The following MYO7A variants were observed in gnomAD, a reference collection of about 807,000 sequenced individuals.
MYO7A encodes the protein myosin VIIA, also known as unconventional myosin-VIIa.
MYO7A carries 210 observed loss-of-function variants against 263.8 expected under a neutral mutation model. The observed-to-expected ratio is 0.80, with a 90% CI of 0.71 to 0.89. The LOEUF (loss-of-function observed/expected upper bound fraction) is 0.89. MYO7A is among the 40% of genes least tolerant of loss of function. The pLI is 0.00. For missense variants in MYO7A, 2,820 were observed against 2,968.3 expected, an observed-to-expected ratio of 0.95 and a Z score of 1.16; for synonymous variants, 1,239 against 1,197.3, an observed-to-expected ratio of 1.03 and a Z score of -0.72.
chr11:77,184,731 CGGGGACACCAGGGCCTGA>C lies in MYO7A; in HGVS notation c.3503+17_3503+34del. On this transcript the variant is annotated intron_variant, in intron 27 of 48. Coordinates refer to ENST00000409709, the MANE Select transcript of MYO7A (RefSeq NM_000260.4). ...CAGCACTCCGGTCAGTGCCGGGAGGCGGGGACACCAGGGCCTGAAAGTCTTTTGGTGGCTGAGTGGTGC... is the reference window on the plus strand; with the variant it reads ...CAGCACTCCGGTCAGTGCCGGGAGGCAAGTCTTTTGGTGGCTGAGTGGTGC... 2.1e-6 allele frequency: 1 copy of C among 476,298 alleles called. No individual in the cohort carries two copies. Among genetic ancestry groups the C allele is most frequent in the Non-Finnish European group, 3.1e-6 (1 of 320,772 alleles). 29.5% of individuals were successfully genotyped at this position (476,298 alleles called of 1,614,324 possible).
intron 11 of MYO7A, 42 bp from the exon 12 acceptor site, chr11:77,160,931 G>A (rs557033719): frequency 2.5e-6 from 4 of 1,579,400 alleles, no homozygotes; most frequent in South Asian, 2.3e-5. Flanking sequence ...GTCCCCCGGG[G>A]GAGGGTGTGG....
Position 77,182,407 on chromosome 11 carries a change from T to C in MYO7A, c.3109-17T>C, listed in dbSNP as rs575050020. ...ATGTCCTCCGCTCTGGCCTCTGACA[T>C]GCGCGCTCTGCCCCAGGCAGCCCTG... On this transcript the variant is annotated splice_polypyrimidine_tract_variant and intron_variant, in intron 24 of 48. Transcript: ENST00000409709. 6.2e-7 allele frequency: 1 copy of C among 1,606,510 alleles called. No individual in the cohort carries two copies. Among genetic ancestry groups the C allele is most frequent in the East Asian group, 2.2e-5 (1 of 44,738 alleles).
intron 3 of MYO7A, among the ~76,000 whole-genome samples, chr11:77,145,291 T>C (rs1218983841): frequency 2.0e-5 from 3 of 152,194 alleles, no homozygotes; most frequent in Non-Finnish European, 2.9e-5. Context: ...TCAACAAAGA[T>C]GGATGTCGTG....
chr11:77,214,765 C>A lies in MYO7A; in HGVS notation c.*69C>A. 7.7e-7 allele frequency: 1 copy of A among 1,292,190 alleles called. No homozygotes were observed. Among genetic ancestry groups the A allele is most frequent in the South Asian group, 1.3e-5 (1 of 75,534 alleles). The allele number at this position is 1,292,190 out of a possible 1,614,324, so 80.0% of individuals were successfully genotyped here. ...GCAGTGGGTTCAGGCCCATCAGCTA[C>A]CCCTGCAGCTGGGGAAGACTTATGC... On this transcript the variant is annotated 3_prime_UTR_variant, in exon 49 of 49. Transcript: ENST00000409709.
chr11:77,155,799 C>A, intron 4 of MYO7A, 108 bp from the exon 5 acceptor site: 1 of 1,268,904 alleles, frequency 7.9e-7, no homozygotes, highest in South Asian at 1.6e-5. Flanking sequence ...ACTCCAAAGC[C>A]AGGACTCTTC....
In MYO7A at chr11:77,142,786, C is replaced by T. The variant is rs369794074; in HGVS notation, c.96C>T (p.Asp32=). The change falls in exon 3 of 49, where the codon GAC becomes GAT. Residue 32 remains aspartate (D), a synonymous_variant. Coordinates refer to ENST00000409709, the MANE Select transcript of MYO7A (RefSeq NM_000260.4). Reference sequence around the variant, plus strand: ...TCGGGGCGGTGGTGAAGCTCTGCGACTCTGGGCAGGTCCAGGTGGTGGATG... The same window carrying T: ...TCGGGGCGGTGGTGAAGCTCTGCGATTCTGGGCAGGTCCAGGTGGTGGATG... ...VPIGAVVKLC[D]SGQVQVVDDE... 1.2e-6 allele frequency: 2 copies of T among 1,610,988 alleles called. No individual in the cohort carries two copies. The highest frequency in any genetic ancestry group is 1.7e-6 in the Non-Finnish European group (2 of 1,178,844).
intron 16 of MYO7A, 57 bp from the exon 17 acceptor site, chr11:77,174,699 A>C: frequency 6.6e-7 from 1 of 1,523,484 alleles, no homozygotes; most frequent in South Asian, 1.2e-5. Context: ...AGTGCACAGC[A>C]GGGCTGCCTC....
At chr11:77,202,514 A>C in intron 37 of MYO7A, 90 bp downstream of exon 37, 1 of 1,474,664 alleles carries the variant, frequency 6.8e-7, no homozygotes, top group Non-Finnish European at 9.1e-7. Context: ...CTGCTTTGTG[A>C]AGCCCCCACC....
chr11:77,193,131 A>ATGG (rs1161102366), intron 31 of MYO7A, among the ~76,000 whole-genome samples: 10 of 75,206 alleles, frequency 1.3e-4, no homozygotes, highest in African/African-American at 4.4e-4. Context: ...GGAGGTAGCG[A>ATGG]TGCTGTTGGT....
chr11:77,176,566 C>T (rs1372404129), intron 18 of MYO7A, among the ~76,000 whole-genome samples: 2 of 152,158 alleles, frequency 1.3e-5, no homozygotes, highest in African/African-American at 4.8e-5. Flanking sequence ...GTGGGGAAGG[C>T]AGGAATCATG....
intron 15 of MYO7A, among the ~76,000 whole-genome samples, chr11:77,168,094 G>A (rs1953727248): frequency 6.6e-6 from 1 of 152,110 alleles, no homozygotes; most frequent in Non-Finnish European, 1.5e-5. Flanking sequence ...GCCCCTCGCT[G>A]GGCCCATCCA....
Position 77,147,873 on chromosome 11 carries a change from A to C in MYO7A, c.208A>C (p.Met70Leu). The change falls in exon 4 of 49, where the codon ATG becomes CTG. Residue 70 changes from methionine to leucine, a missense_variant. Met to Leu is a conservative substitution (Grantham distance 15, BLOSUM62 2). Transcript: ENST00000409709. ...CACGTCGGTCCACGGCGTGGAGGAC[A>C]TGATCCGCCTGGGGGACCTCAACGA... ...HPTSVHGVED[M>L]IRLGDLNEAG... 7 of 1,604,164 alleles carry C rather than the reference A, an allele frequency of 4.4e-6. No homozygotes were observed. The highest frequency in any genetic ancestry group is 6.0e-6 in the Non-Finnish European group (7 of 1,176,274).
At chr11:77,135,647 A>G (rs1459113367) in intron 2 of MYO7A, among the ~76,000 whole-genome samples, 1 of 152,214 alleles carries the variant, frequency 6.6e-6, no homozygotes, top group Non-Finnish European at 1.5e-5. Flanking sequence ...GAACTGCCAT[A>G]GTGTTTTTCA....
Position 77,174,810 on chromosome 11 carries a change from A to G in MYO7A, c.1990A>G (p.Thr664Ala), listed in dbSNP as rs782626037. Residue 664 changes from threonine to alanine, a missense_variant, in exon 17 of 49, where the codon ACC (threonine) becomes GCC (alanine). Thr to Ala is a moderately conservative substitution (Grantham distance 58, BLOSUM62 0). Transcript: ENST00000409709. Reference sequence around the variant, plus strand: ...GCTGCGGTACTCAGGAATGATGGAGACCATCCGAATCCGCCGAGCTGGCTA... The same window carrying G: ...GCTGCGGTACTCAGGAATGATGGAGGCCATCCGAATCCGCCGAGCTGGCTA... ...RQLRYSGMME[T>A]IRIRRAGYPI... 2 of 1,612,478 alleles carry G rather than the reference A, an allele frequency of 1.2e-6. No individual in the cohort carries two copies. The highest frequency in any genetic ancestry group is 1.7e-6 in the Non-Finnish European group (2 of 1,179,506).
chr11:77,201,770 C>A, intron 36 of MYO7A, 132 bp downstream of exon 36: 1 of 1,077,300 alleles, frequency 9.3e-7, no homozygotes, highest in Non-Finnish European at 1.3e-6. Context: ...ATGGGACACA[C>A]ATTTAAAGTT....
rs1386887007 is a variant in MYO7A at position 77,207,407 on chromosome 11, G to A, written c.5856+5G>A. On this transcript the variant is annotated splice_donor_5th_base_variant and intron_variant, in intron 42 of 48. Transcript: ENST00000409709. ...TTTGTCAAAATTGCAGACAAGGTGG[G>A]TCCTTTGCCACCTTCGCCAAGGTGG... 1.9e-6 allele frequency: 3 copies of A among 1,586,886 alleles called. No individual in the cohort carries two copies. The highest frequency in any genetic ancestry group is 1.7e-5 in the Admixed American group (1 of 58,120).
chr11:77,203,615 G>C (rs1591477197), intron 38 of MYO7A, among the ~76,000 whole-genome samples: 1 of 152,202 alleles, frequency 6.6e-6, no homozygotes, highest in Non-Finnish European at 1.5e-5. Flanking sequence ...AGCCCTGAAG[G>C]CTAAGTACGA....
rs782740550 is a variant in MYO7A at position 77,175,375 on chromosome 11, G to A, written c.2098G>A (p.Asp700Asn). The change falls in exon 18 of 49, where the codon GAC (aspartate) becomes AAC (asparagine). Residue 700 changes from aspartate (D) to asparagine (N), a missense_variant. Transcript: ENST00000409709. Reference protein sequence around the residue: ...PGVKPAYKQGDLRGTCQRMAE... With the variant: ...PGVKPAYKQGNLRGTCQRMAE... ...GTGTTCCCCATCCTCACTCCAGGGC[G>A]ACCTCCGCGGGACTTGCCAGCGCAT... 4 of 1,613,010 alleles carry A rather than the reference G, an allele frequency of 2.5e-6. No homozygotes were observed. The highest frequency in any genetic ancestry group is 1.1e-5 in the South Asian group (1 of 91,080).
chr11:77,199,611 A>G lies in MYO7A; in HGVS notation c.4645A>G (p.Thr1549Ala). 1 of 1,601,796 alleles carries G rather than the reference A, an allele frequency of 6.2e-7. No homozygotes were observed. The highest frequency in any genetic ancestry group is 8.5e-7 in the Non-Finnish European group (1 of 1,174,928). ...AAPHSGWAGL[T>A]PAGPCSPCWS... ...GCCTCACTCAGGCTGGGCAGGACTG[A>G]CCCCGGCGGGGCCCTGTTCTCCGTG... Residue 1549 changes from threonine to alanine, a missense_variant, in exon 35 of 49, where the codon ACC (threonine) becomes GCC (alanine). Thr to Ala is a moderately conservative substitution (Grantham distance 58, BLOSUM62 0). Coordinates refer to ENST00000409709, the MANE Select transcript of MYO7A (RefSeq NM_000260.4).
Sources: allele counts gnomAD v4.1 joint callset (sites outside exome capture counted in the v4.1 genomes callset), GRCh38; gene constraint gnomAD v4.1.1; transcripts MANE v1.5; gene names NCBI Gene and HGNC (gene_info 2026-07-23, HGNC 2026-07-21).